PKNOX2: variants seen among roughly 807,000 people sequenced by gnomAD.
The protein encoded by PKNOX2 is homeobox protein PKNOX2.
PKNOX2 carries 14 observed loss-of-function variants against 53.1 expected under a neutral mutation model. The observed-to-expected ratio is 0.26, with a 90% CI of 0.17 to 0.41. The LOEUF (loss-of-function observed/expected upper bound fraction) is 0.41. PKNOX2 is among the 10% of genes least tolerant of loss of function. The pLI is 1.00. For missense variants in PKNOX2, 496 were observed against 602.8 expected, an observed-to-expected ratio of 0.82 and a Z score of 1.85; for synonymous variants, 257 against 242.8, an observed-to-expected ratio of 1.06 and a Z score of -0.54.
intron 3 of PKNOX2, among the ~76,000 whole-genome samples, chr11:125,342,828 G>A (rs57110110): frequency 0.02 from 3,025 of 151,524 alleles, 90 homozygotes; most frequent in African/African-American, 0.068. Flanking sequence ...AGCCACCACC[G>A]TGGAGGAGCT....
intron 1 of PKNOX2, among the ~76,000 whole-genome samples, chr11:125,218,240 G>GC: frequency 6.6e-6 from 1 of 152,196 alleles, no homozygotes. Flanking sequence ...CCTCACGCTG[G>GC]CCCCCGAGCT....
chr11:125,227,001 G>T (rs1941754031), intron 1 of PKNOX2, among the ~76,000 whole-genome samples: 1 of 151,866 alleles, frequency 6.6e-6, no homozygotes, highest in African/African-American at 2.4e-5. Flanking sequence ...CTGATGAGCT[G>T]CTCCTTCCCC....
intron 1 of PKNOX2, among the ~76,000 whole-genome samples, chr11:125,181,506 G>C (rs766847036): frequency 2.0e-5 from 3 of 152,156 alleles, no homozygotes; most frequent in Non-Finnish European, 4.4e-5. Flanking sequence ...TGTCCAATGA[G>C]GGACTTGTGG....
At chr11:125,339,158 G>A (rs573141132) in intron 3 of PKNOX2, among the ~76,000 whole-genome samples, 5 of 152,268 alleles carry the variant, frequency 3.3e-5, no homozygotes, top group Middle Eastern at 3.4e-3. Flanking sequence ...AGAACAACCC[G>A]AGCCAGTGGG....
At chr11:125,213,272 A>G (rs764011607) in intron 1 of PKNOX2, among the ~76,000 whole-genome samples, 8 of 152,086 alleles carry the variant, frequency 5.3e-5, no homozygotes, top group Non-Finnish European at 1.0e-4. Flanking sequence ...TGCATCAGAC[A>G]TTAGACAAGC....
chr11:125,322,838 T>C (rs1949603023), intron 2 of PKNOX2, among the ~76,000 whole-genome samples: 1 of 152,246 alleles, frequency 6.6e-6, no homozygotes, highest in African/African-American at 2.4e-5. Flanking sequence ...TTTTGCTTAT[T>C]CTGTCTGTAA....
intron 10 of PKNOX2, among the ~76,000 whole-genome samples, chr11:125,427,446 G>A (rs1311906925): frequency 6.6e-6 from 1 of 152,164 alleles, no homozygotes; most frequent in African/African-American, 2.4e-5. Flanking sequence ...CTTTTCCACC[G>A]ATAATGCGAG....
At chr11:125,321,933 G>C (rs1167641922) in intron 2 of PKNOX2, among the ~76,000 whole-genome samples, 2 of 152,194 alleles carry the variant, frequency 1.3e-5, no homozygotes, top group Non-Finnish European at 2.9e-5. Flanking sequence ...GTGGGCAAAA[G>C]GAGCTCACTC....
At chr11:125,427,191 C>T (rs1350191869) in intron 10 of PKNOX2, among the ~76,000 whole-genome samples, 1 of 152,238 alleles carries the variant, frequency 6.6e-6, no homozygotes, top group Non-Finnish European at 1.5e-5. Context: ...GTCCTTGCCT[C>T]TCTGCCCCCT....
At chr11:125,339,323 A>G (rs1950568085) in intron 3 of PKNOX2, among the ~76,000 whole-genome samples, 1 of 152,200 alleles carries the variant, frequency 6.6e-6, no homozygotes. Flanking sequence ...CTCTGAAGTG[A>G]ACAGGAAGGG....
intron 2 of PKNOX2, among the ~76,000 whole-genome samples, chr11:125,281,161 C>G (rs1946531124): frequency 1.3e-5 from 2 of 152,216 alleles, no homozygotes; most frequent in Admixed American, 6.5e-5. Flanking sequence ...GGCCATGCCT[C>G]CCCTCTGGGC....
chr11:125,180,368 T>C (rs1358657307), intron 1 of PKNOX2, among the ~76,000 whole-genome samples: 1 of 152,168 alleles, frequency 6.6e-6, no homozygotes, highest in African/African-American at 2.4e-5. Context: ...CAGGCAATGT[T>C]TGTGGAATGA....
At chr11:125,199,920 G>T (rs762435308) in intron 1 of PKNOX2, among the ~76,000 whole-genome samples, 2 of 152,208 alleles carry the variant, frequency 1.3e-5, no homozygotes, top group African/African-American at 2.4e-5. Flanking sequence ...TGGACTGGAC[G>T]AGACAGGAGC....
rs1473711604 is a variant in PKNOX2 at position 125,431,359 on chromosome 11, C to T, written c.1386C>T (p.Asp462=). ...VDELQTTNVS[D]LGLEHSDSLE ...AGCTGCAGACGACAAATGTCAGCGACCTGGGCTTGGAACACAGTGACTCCC... is the reference window on the plus strand; with the variant it reads ...AGCTGCAGACGACAAATGTCAGCGATCTGGGCTTGGAACACAGTGACTCCC... The change falls in exon 13 of 13, where the codon GAC becomes GAT. Residue 462 remains aspartate, a synonymous_variant. Coordinates refer to ENST00000298282, the MANE Select transcript of PKNOX2 (RefSeq NM_001382323.2). The T allele has an allele frequency of 1.2e-6, 2 of 1,612,040 alleles. No individual in the cohort carries two copies. The highest frequency in any genetic ancestry group is 1.7e-6 in the Non-Finnish European group (2 of 1,179,276).
chr11:125,313,084 CAG>C (rs935595421), intron 2 of PKNOX2, among the ~76,000 whole-genome samples: 1 of 152,020 alleles, frequency 6.6e-6, no homozygotes, highest in African/African-American at 2.4e-5. Context: ...GGATGGGAAG[CAG>C]AGAGTGTTTA....
chr11:125,408,039 C>A (rs1007695534), intron 7 of PKNOX2, among the ~76,000 whole-genome samples: 1 of 152,184 alleles, frequency 6.6e-6, no homozygotes, highest in Non-Finnish European at 1.5e-5. Context: ...TTCACCTTGC[C>A]TGCAATGATG....
intron 1 of PKNOX2, among the ~76,000 whole-genome samples, chr11:125,223,825 G>C (rs1941438521): frequency 6.6e-6 from 1 of 152,186 alleles, no homozygotes; most frequent in Non-Finnish European, 1.5e-5. Flanking sequence ...TTTTGGCTTA[G>C]AAACGATGAC....
intron 2 of PKNOX2, among the ~76,000 whole-genome samples, chr11:125,327,785 G>A (rs1949913585): frequency 6.6e-6 from 1 of 152,172 alleles, no homozygotes; most frequent in Admixed American, 6.5e-5. Flanking sequence ...CTTTCTGTAG[G>A]CTGTTGGGAA....
At chr11:125,273,702 G>A (rs533252039) in intron 2 of PKNOX2, among the ~76,000 whole-genome samples, 14 of 152,232 alleles carry the variant, frequency 9.2e-5, no homozygotes, top group Admixed American at 5.2e-4. Context: ...AACACCCCAT[G>A]TTTGTGAGTA....
Sources: allele counts gnomAD v4.1 joint callset (sites outside exome capture counted in the v4.1 genomes callset), GRCh38; gene constraint gnomAD v4.1.1; transcripts MANE v1.5; gene names NCBI Gene and HGNC (gene_info 2026-07-23, HGNC 2026-07-21).